GSS: variants seen among roughly 807,000 people sequenced by gnomAD.
GSS encodes the protein glutathione synthetase.
In GSS, 34 loss-of-function variants were observed where a neutral mutation model predicts 60.4. The observed-to-expected ratio is 0.56, with a 90% CI of 0.43 to 0.75. The LOEUF (loss-of-function observed/expected upper bound fraction) is 0.75, where lower values mean the gene tolerates loss of function less well. Among genes scored for constraint, GSS ranks in the 30% least tolerant of loss-of-function variants. The pLI, the probability that GSS is intolerant of heterozygous loss-of-function variation, is 0.00. For missense variants in GSS, 499 were observed against 595.1 expected (o/e 0.84, Z 1.68); for synonymous variants, 224 against 239.0 (o/e 0.94, Z 0.58).
intron 6 of GSS, among the ~76,000 whole-genome samples, chr20:34,940,136 G>A (rs2081471305): frequency 6.6e-6 from 1 of 152,108 alleles, no homozygotes; most frequent in African/African-American, 2.4e-5. Flanking sequence ...ACTTGCCAAG[G>A]TCATGTGCTA....
In GSS at chr20:34,931,261, T is replaced by G. The variant is rs1355525705; in HGVS notation, c.1111+75A>C. ...CCCATGCCCGGGACTGTGCCCAGAG[T>G]AAGTGCCAATGAGCACTGGCCACAG... On this transcript the variant is annotated intron_variant, in intron 11 of 12. Coordinates refer to ENST00000651619, the MANE Select transcript of GSS (RefSeq NM_000178.4). The G allele has an allele frequency of 2.6e-6, 3 of 1,134,216 alleles. No individual in the cohort carries two copies. The African/African-American group carries it at 4.5e-5, about 17-fold the overall frequency. The allele number at this position is 1,134,216 out of a possible 1,614,324, so 70.3% of individuals were successfully genotyped here.
rs1199141957 is a variant in GSS, at chr20:34,946,033, G to A, written c.195C>T (p.Ala65=). The A allele has an allele frequency of 1.2e-6, 2 of 1,613,970 alleles. No individual in the cohort carries two copies. The highest frequency in any genetic ancestry group is 2.2e-5 in the East Asian group (1 of 44,886). ...GGTTGAAGTCCATCTGCACAGCATA[G>A]GCTTGCTCCAGCAGGGCACTGGGGA... ...SLVPSALLEQ[A]YAVQMDFNLL... The change falls in exon 3 of 13, where the codon GCC becomes GCT. Residue 65 remains alanine, a synonymous_variant. Coordinates refer to ENST00000651619, the MANE Select transcript of GSS (RefSeq NM_000178.4).
chr20:34,941,147 G>C (rs2081479275), intron 6 of GSS, among the ~76,000 whole-genome samples: 1 of 152,162 alleles, frequency 6.6e-6, no homozygotes, highest in African/African-American at 2.4e-5. Flanking sequence ...ACGAGGTCAG[G>C]AGTTCGAGAC....
At chr20:34,940,227 G>A (rs750690010) in intron 6 of GSS, among the ~76,000 whole-genome samples, 6 of 152,136 alleles carry the variant, frequency 3.9e-5, no homozygotes, top group Non-Finnish European at 7.4e-5. Context: ...CTACCTACCA[G>A]TGCCTAATTT....
At chr20:34,931,138 A>G (rs1047715971) in intron 11 of GSS, among the ~76,000 whole-genome samples, 198 bp downstream of exon 11, 1 of 152,148 alleles carries the variant, frequency 6.6e-6, no homozygotes, top group Non-Finnish European at 1.5e-5. Flanking sequence ...AAACCCTTCA[A>G]TGCTGGTTAA....
rs1434265327 is a variant in GSS, at chr20:34,955,777, C to T, written c.-59G>A. The T allele has an allele frequency of 6.6e-6, 1 of 152,302 alleles. No individual in the cohort carries two copies. Among genetic ancestry groups the T allele is most frequent in the Admixed American group, 6.5e-5 (1 of 15,288 alleles). The allele number at this position is 152,302 out of a possible 1,614,324, so 9.4% of individuals were successfully genotyped here. The stretch of plus-strand genomic sequence containing the variant: ...TTCTCCCGGCCCTCGCGCCGCTACC[C>T]AGGCTCAGGGGGCGGGGCCTCGATG... On this transcript the variant is annotated 5_prime_UTR_variant, in exon 1 of 13. Coordinates refer to ENST00000651619, the MANE Select transcript of GSS (RefSeq NM_000178.4).
chr20:34,945,329 T>C (rs2081512319), intron 3 of GSS, among the ~76,000 whole-genome samples: 1 of 150,706 alleles, frequency 6.6e-6, no homozygotes, highest in Non-Finnish European at 1.5e-5. Flanking sequence ...AGCCTATATA[T>C]ATTTAATTCT....
intron 6 of GSS, among the ~76,000 whole-genome samples, chr20:34,939,473 T>C (rs1424181869): frequency 6.6e-6 from 1 of 152,166 alleles, no homozygotes; most frequent in Non-Finnish European, 1.5e-5. Flanking sequence ...CAGTCAATAC[T>C]GTGGAACCAT....
Position 34,942,591 on chromosome 20 carries a change from A to G in GSS, c.388T>C (p.Phe130Leu). The G allele has an allele frequency of 6.2e-7, 1 of 1,614,056 alleles. No individual in the cohort carries two copies. Among genetic ancestry groups the G allele is most frequent in the East Asian group, 2.2e-5 (1 of 44,870 alleles). The change falls in exon 5 of 13, where the codon TTC (phenylalanine) becomes CTC (leucine). Residue 130 changes from phenylalanine (F) to leucine (L), a missense_variant. Physicochemically the swap from Phe to Leu is conservative, Grantham distance 22. Transcript: ENST00000651619. ...GGGGAGCCATCTGCGCTGCGCTGGA[A>G]CATGTAGTCTGAGCGATTCAGGCCC... Reference protein sequence around the residue: ...FLGLNRSDYMFQRSADGSPAL... With the variant: ...FLGLNRSDYMLQRSADGSPAL...
intron 6 of GSS, 132 bp downstream of exon 6, chr20:34,941,580 TG>T (rs2081483109): frequency 1.4e-6 from 1 of 695,148 alleles, no homozygotes; most frequent in East Asian, 2.6e-5. Context: ...AATTTTGGCA[TG>T]TAAAGGTATA....
rs1023007691 is a variant in GSS at position 34,929,123 on chromosome 20, C to T, written c.1302-172G>A. On this transcript the variant is annotated intron_variant, in intron 12 of 12. Transcript: ENST00000651619. ...TCCTTCTAGTCCTAGGTTGTCAAAC[C>T]ATGTGTTCTGAGTCCTCTTGGTGCT... is the stretch of plus-strand genomic sequence containing the variant. 5 of 814,094 alleles carry T rather than the reference C, an allele frequency of 6.1e-6. No individual in the cohort carries two copies. The African/African-American group carries it at 8.5e-5, about 14-fold the overall frequency. The allele number at this position is 814,094 out of a possible 1,614,324, so 50.4% of individuals were successfully genotyped here. A position where few individuals can be genotyped will look rare whatever the true frequency, so the allele number is the denominator to read the frequency against.
At position 34,936,746 on chromosome 20, in the gene GSS, T is replaced by C; in HGVS notation, c.767+17A>G. 4 of 1,578,052 alleles carry C rather than the reference T, an allele frequency of 2.5e-6. No homozygotes were observed. The highest frequency in any genetic ancestry group is 3.5e-6 in the Non-Finnish European group (4 of 1,147,066). ...TTTCATAAACCAGCCTTCCACTGGA[T>C]TCTTGGGAATGCTTACACAAACAGC... On this transcript the variant is annotated intron_variant, in intron 8 of 12. Coordinates refer to ENST00000651619, the MANE Select transcript of GSS (RefSeq NM_000178.4).
chr20:34,937,116 A>G, intron 6 of GSS, 93 bp from the exon 7 acceptor site: 2 of 822,260 alleles, frequency 2.4e-6, no homozygotes, highest in Non-Finnish European at 4.1e-6. Context: ...ACCTCCTGGA[A>G]TAAGAATAAG....
At chr20:34,952,041 A>C in intron 1 of GSS, 181 bp from the exon 2 acceptor site, 1 of 654,456 alleles carries the variant, frequency 1.5e-6, no homozygotes, top group Non-Finnish European at 2.8e-6. Context: ...TGTGCACAAA[A>C]TAGAAAGCTT....
At chr20:34,943,365 A>G (rs1320955976) in intron 3 of GSS, among the ~76,000 whole-genome samples, 1 of 152,202 alleles carries the variant, frequency 6.6e-6, no homozygotes, top group African/African-American at 2.4e-5. Context: ...GAGCTAGAAA[A>G]TGACATGATG....
At chr20:34,935,790 G>T in intron 8 of GSS, 148 bp from the exon 9 acceptor site, 1 of 692,042 alleles carries the variant, frequency 1.4e-6, no homozygotes, top group Non-Finnish European at 2.6e-6. Flanking sequence ...ACTGGAACCA[G>T]TGAAAGTAGA....
At position 34,931,341 on chromosome 20, in the gene GSS, C is replaced by T. The variant is rs2081399342; in HGVS notation, c.1106G>A (p.Gly369Asp). ...SRFVLKPQRE[G>D]GGNNLYGEEM... The stretch of plus-strand genomic sequence containing the variant: ...GCAAAGGGAGATCCACCTACCTCCA[C>T]CCTCTCTCTGGGGCTTTAGCACAAA... Residue 369 changes from glycine (G) to aspartate (D), a missense_variant, in exon 11 of 13, where the codon GGT becomes GAT. Transcript: ENST00000651619. 1.2e-6 allele frequency: 2 copies of T among 1,613,452 alleles called. No homozygotes were observed. Among genetic ancestry groups the T allele is most frequent in the Non-Finnish European group, 1.7e-6 (2 of 1,179,440 alleles).
intron 6 of GSS, 68 bp from the exon 7 acceptor site, chr20:34,937,091 C>G: frequency 9.4e-7 from 1 of 1,060,962 alleles, no homozygotes; most frequent in African/African-American, 1.6e-5. Context: ...CTCCCCTCAA[C>G]CCCCATACCG....
Position 34,951,730 on chromosome 20 carries a change from G to A in GSS, c.123C>T (p.Ser41=). The A allele has an allele frequency of 6.2e-7, 1 of 1,607,886 alleles. No individual in the cohort carries two copies. The highest frequency in any genetic ancestry group is 8.5e-7 in the Non-Finnish European group (1 of 1,176,688). The part of the protein sequence containing the change: ...VLLRTSQEPT[S]SEVVSYAPFT... ...GGAGGAGCTAGGGGCTTACCTCCGA[G>A]GAAGTGGGCTCCTGTGAGGTCCTCA... The change falls in exon 2 of 13, where the codon TCC becomes TCT. Residue 41 remains serine (S), a synonymous_variant. Transcript: ENST00000651619.
Sources: allele counts gnomAD v4.1 joint callset (sites outside exome capture counted in the v4.1 genomes callset), GRCh38; gene constraint gnomAD v4.1.1; transcripts MANE v1.5; gene names NCBI Gene and HGNC (gene_info 2026-07-23, HGNC 2026-07-21).